The following PDZD2 variants were observed in gnomAD, a reference collection of about 807,000 sequenced individuals.
PDZD2 encodes the protein PDZ domain-containing protein 2.
PDZD2 carries 90 observed loss-of-function variants against 220.7 expected under a neutral mutation model. The observed-to-expected ratio is 0.41, with a 90% confidence interval of 0.34 to 0.49. The LOEUF (loss-of-function observed/expected upper bound fraction) is 0.49. PDZD2 is among the 20% of genes least tolerant of loss of function. The probability of loss-of-function intolerance (pLI) is 0.28; values close to 1 mark genes in which losing one functional copy is unlikely to be tolerated. For missense variants in PDZD2, 3,174 were observed against 3,608.5 expected, an observed-to-expected ratio of 0.88 and a Z score of 3.08; for synonymous variants, 1,375 against 1,450.5, an observed-to-expected ratio of 0.95 and a Z score of 1.18.
intron 1 of PDZD2, among the ~76,000 whole-genome samples, chr5:31,668,351 A>T (rs1377699075): frequency 6.6e-6 from 1 of 152,186 alleles, no homozygotes; most frequent in Non-Finnish European, 1.5e-5. Flanking sequence ...CCTTAGAACC[A>T]CGGGGCTGCC....
chr5:32,019,677 A>G (rs1190783290), intron 6 of PDZD2, among the ~76,000 whole-genome samples: 1 of 152,230 alleles, frequency 6.6e-6, no homozygotes, highest in Non-Finnish European at 1.5e-5. Context: ...ATTAGGAAAT[A>G]CAGTTAAAAA....
chr5:31,679,745 A>G (rs1180769412), intron 1 of PDZD2, among the ~76,000 whole-genome samples: 1 of 152,182 alleles, frequency 6.6e-6, no homozygotes, highest in Admixed American at 6.5e-5. Context: ...CCTGACCTCA[A>G]GTGATCTTCC....
At chr5:31,986,007 G>A (rs1007665406) in intron 3 of PDZD2, among the ~76,000 whole-genome samples, 11 of 149,890 alleles carry the variant, frequency 7.3e-5, no homozygotes, top group African/African-American at 4.9e-5. Flanking sequence ...CCTGGGAGGC[G>A]GAGGTTGCGG....
chr5:31,869,637 T>C (rs1738590107), intron 2 of PDZD2, among the ~76,000 whole-genome samples: 1 of 152,178 alleles, frequency 6.6e-6, no homozygotes, highest in South Asian at 2.1e-4. Flanking sequence ...TGGAATATTG[T>C]CCATTGTCCT....
chr5:31,974,588 C>T (rs992325595), intron 2 of PDZD2, among the ~76,000 whole-genome samples: 6 of 152,104 alleles, frequency 3.9e-5, no homozygotes, highest in African/African-American at 9.7e-5. Context: ...TTATGGATGT[C>T]GGCAGAAGAC....
intron 2 of PDZD2, among the ~76,000 whole-genome samples, chr5:31,945,066 T>A (rs974930267): frequency 1.3e-5 from 2 of 152,216 alleles, no homozygotes; most frequent in African/African-American, 4.8e-5. Flanking sequence ...CTTTGTAAGA[T>A]TTTCATGGAT....
chr5:31,904,566 C>T (rs1031666310), intron 2 of PDZD2, among the ~76,000 whole-genome samples: 4 of 152,102 alleles, frequency 2.6e-5, no homozygotes, highest in Non-Finnish European at 2.9e-5. Flanking sequence ...CTCGCTCTGT[C>T]GCGCAGGCTG....
intron 1 of PDZD2, among the ~76,000 whole-genome samples, chr5:31,793,767 A>G (rs558496281): frequency 9.2e-5 from 14 of 152,352 alleles, no homozygotes; most frequent in African/African-American, 3.1e-4. Context: ...AGATCGCGCC[A>G]TTGCACTCCA....
intron 2 of PDZD2, among the ~76,000 whole-genome samples, chr5:31,804,217 A>G (rs1754581356): frequency 6.6e-6 from 1 of 152,130 alleles, no homozygotes; most frequent in Non-Finnish European, 1.5e-5. Context: ...AAGCCAGGTG[A>G]AAGAGGGTGT....
At chr5:31,998,928 G>A (rs1751871249) in intron 4 of PDZD2, among the ~76,000 whole-genome samples, 1 of 152,228 alleles carries the variant, frequency 6.6e-6, no homozygotes, top group South Asian at 2.1e-4. Flanking sequence ...GCCATGTCTG[G>A]CTCCTTTGGG....
rs575910326 is a variant in PDZD2 at position 31,893,183 on chromosome 5, C to T, written c.477-89972C>T. Among the ~76,000 whole-genome samples, 3 of 152,278 alleles carry T rather than the reference C, an allele frequency of 2.0e-5. No homozygotes were observed. In the East Asian group the frequency reaches 5.8e-4, roughly 29 times the overall value. On this transcript the variant is annotated intron_variant, in intron 2 of 24. Transcript: ENST00000438447. ...GTTTGTGTAGGCCTTGGCAGAATCA[C>T]ATCTTGGTGAAGACCATAGATAGCA...
At chr5:31,870,223 G>A (rs2150322868) in intron 2 of PDZD2, among the ~76,000 whole-genome samples, 1 of 152,268 alleles carries the variant, frequency 6.6e-6, no homozygotes, top group Admixed American at 6.5e-5. Context: ...GAGAGAAAAT[G>A]TGGAAAATAA....
intron 16 of PDZD2, 133 bp from the exon 17 acceptor site, chr5:32,072,028 T>C (rs1740796956): frequency 1.6e-6 from 1 of 623,260 alleles, no homozygotes; most frequent in Non-Finnish European, 2.8e-6. Context: ...TGGAGGTTGG[T>C]GTTTACTATC....
At chr5:31,728,891 G>C (rs1749337129) in intron 1 of PDZD2, among the ~76,000 whole-genome samples, 1 of 151,694 alleles carries the variant, frequency 6.6e-6, no homozygotes, top group Non-Finnish European at 1.5e-5. Context: ...CTCTCTCTCT[G>C]TCACCTAGGC....
intron 1 of PDZD2, among the ~76,000 whole-genome samples, chr5:31,791,297 A>T (rs1753709812): frequency 6.6e-6 from 1 of 152,020 alleles, no homozygotes; most frequent in South Asian, 2.1e-4. Context: ...TGAGAGTGAA[A>T]AAGCACCTAT....
intron 2 of PDZD2, among the ~76,000 whole-genome samples, chr5:31,886,149 T>C (rs1352406977): frequency 1.3e-5 from 2 of 152,198 alleles, no homozygotes; most frequent in African/African-American, 4.8e-5. Context: ...TCCGCCTGTC[T>C]TGGCCTCCCA....
At chr5:31,710,519 A>G (rs1366054919) in intron 1 of PDZD2, among the ~76,000 whole-genome samples, 3 of 152,102 alleles carry the variant, frequency 2.0e-5, no homozygotes, top group Non-Finnish European at 2.9e-5. Context: ...TTCCTCATCT[A>G]TAAGGAATAG....
At chr5:31,934,318 G>A (rs528296637) in intron 2 of PDZD2, among the ~76,000 whole-genome samples, 3 of 152,232 alleles carry the variant, frequency 2.0e-5, no homozygotes, top group South Asian at 2.1e-4. Context: ...TTACCCACAC[G>A]ATCAACTTTC....
intron 1 of PDZD2, among the ~76,000 whole-genome samples, chr5:31,706,073 A>G (rs1422570721): frequency 6.6e-6 from 1 of 152,184 alleles, no homozygotes; most frequent in Non-Finnish European, 1.5e-5. Context: ...ACCACCACCA[A>G]AAATCCTCTA....
Sources: gnomAD v4.1 joint callset for allele counts (sites outside exome capture counted in the v4.1 genomes callset) on GRCh38, gnomAD v4.1.1 for gene constraint, MANE v1.5 for transcripts, NCBI Gene and HGNC (gene_info 2026-07-23, HGNC 2026-07-21) for gene names.